Variants in LRGUK observed in about 807,000 individuals in gnomAD.
LRGUK encodes the protein leucine-rich repeat and guanylate kinase domain-containing protein.
In LRGUK, 65 loss-of-function variants were observed where a neutral mutation model predicts 76.0. The ratio of observed to expected loss-of-function variants is 0.85; its 90% CI spans 0.70 to 1.05. The LOEUF is 1.05. Among genes scored for constraint, LRGUK ranks in the 50% least tolerant of loss-of-function variants. The pLI is 0.00. For missense variants in LRGUK, 758 were observed against 732.8 expected (o/e 1.03, Z -0.40); for synonymous variants, 268 against 265.6 (o/e 1.01, Z -0.09).
chr7:134,168,618 G>A (rs1022799505), intron 7 of LRGUK, among the ~76,000 whole-genome samples: 3 of 152,150 alleles, frequency 2.0e-5, no homozygotes, highest in African/African-American at 7.2e-5. Flanking sequence ...GGTAGCAGTA[G>A]TAAGGAAGGG....
intron 18 of LRGUK, among the ~76,000 whole-genome samples, chr7:134,251,137 C>A (rs192111498): frequency 6.6e-6 from 1 of 152,036 alleles, no homozygotes. Flanking sequence ...GGAGTCCTGA[C>A]CCCCAGGATC....
At chr7:134,209,924 C>G in exon 16 of LRGUK, 1 of 399,148 alleles carries the variant, frequency 2.5e-6, no homozygotes, top group Non-Finnish European at 4.4e-6. Flanking sequence ...TGCTCCTCTT[C>G]CGGAGCCAGG....
At chr7:134,147,881 G>A (rs1260380717) in intron 4 of LRGUK, among the ~76,000 whole-genome samples, 1 of 151,946 alleles carries the variant, frequency 6.6e-6, no homozygotes, top group African/African-American at 2.4e-5. Flanking sequence ...CTAACACAGT[G>A]GAACCCCATC....
the LRGUK span, among the ~76,000 whole-genome samples, chr7:134,272,662 A>G: frequency 6.6e-6 from 1 of 152,230 alleles, no homozygotes; most frequent in Admixed American, 6.5e-5. Flanking sequence ...TGAGTTGAAT[A>G]ACATGACATC....
At chr7:134,218,521 G>A (rs1319112442) in intron 15 of LRGUK, among the ~76,000 whole-genome samples, 4 of 152,150 alleles carry the variant, frequency 2.6e-5, no homozygotes, top group African/African-American at 9.7e-5. Flanking sequence ...TTAAAATAGA[G>A]ATTTTTGTTT....
chr7:134,263,095 G>C (rs1802778021), intron 19 of LRGUK, among the ~76,000 whole-genome samples: 1 of 146,402 alleles, frequency 6.8e-6, no homozygotes, highest in Non-Finnish European at 1.5e-5. Flanking sequence ...TGTTCCCTTT[G>C]ACTTTTCATT....
chr7:134,149,113 A>T lies in LRGUK; in HGVS notation c.670+794A>T, dbSNP rs1015019136. Among the ~76,000 whole-genome samples the T allele has an allele frequency of 1.1e-4, 14 of 127,978 alleles. No homozygotes were observed. The East Asian group carries it at 1.2e-3, about 11-fold the overall frequency. The allele number at this position is 127,978 out of a possible 152,430, so 84.0% of individuals were successfully genotyped here. A position where few individuals can be genotyped will look rare whatever the true frequency, so the allele number is the denominator to read the frequency against. ...TTAAATATGCTTTCTTTTTTTAAAA[A>T]AAAAAAAAAACAACTTTTGATTTGA... On this transcript the variant is annotated intron_variant, in intron 5 of 15. Transcript: ENST00000645682.
At chr7:134,233,503 G>A (rs930383633) in intron 16 of LRGUK, among the ~76,000 whole-genome samples, 10 of 152,176 alleles carry the variant, frequency 6.6e-5, no homozygotes, top group African/African-American at 2.4e-4. Flanking sequence ...CTAACTGTAT[G>A]AAGGGGAAAT....
chr7:134,164,048 C>T (rs994078014), intron 7 of LRGUK, among the ~76,000 whole-genome samples: 4 of 151,958 alleles, frequency 2.6e-5, no homozygotes, highest in South Asian at 2.1e-4. Flanking sequence ...TGGCGATTAT[C>T]GTTAATAAAA....
intron 15 of LRGUK, among the ~76,000 whole-genome samples, chr7:134,220,849 T>A (rs1801573667): frequency 6.6e-6 from 1 of 152,094 alleles, no homozygotes; most frequent in African/African-American, 2.4e-5. Flanking sequence ...AGATTACAGA[T>A]GTGAGCCATT....
At chr7:134,236,421 C>CT (rs1419043649) in intron 16 of LRGUK, among the ~76,000 whole-genome samples, 19 of 152,234 alleles carry the variant, frequency 1.2e-4, no homozygotes, top group Admixed American at 9.8e-4. Context: ...CCAGCCTTTT[C>CT]TTTTCTTTAC....
the LRGUK span, among the ~76,000 whole-genome samples, chr7:134,270,984 T>C: frequency 6.6e-6 from 1 of 152,162 alleles, no homozygotes; most frequent in African/African-American, 2.4e-5. Context: ...ATTAATAGTC[T>C]TTTTATTGCT....
chr7:134,145,832 G>C (rs982561637), intron 4 of LRGUK, among the ~76,000 whole-genome samples: 7 of 152,182 alleles, frequency 4.6e-5, no homozygotes, highest in Admixed American at 3.9e-4. Flanking sequence ...TCCTAGAGCG[G>C]GGACTTGTAT....
At chr7:134,191,569 T>C in intron 11 of LRGUK, 86 bp from the exon 12 acceptor site, 1 of 938,918 alleles carries the variant, frequency 1.1e-6, no homozygotes, top group East Asian at 2.5e-5. Context: ...TTAACTTCAT[T>C]TTTTAAAACA....
intron 10 of LRGUK, among the ~76,000 whole-genome samples, chr7:134,182,055 C>G (rs1381169892): frequency 6.6e-6 from 1 of 152,164 alleles, no homozygotes; most frequent in African/African-American, 2.4e-5. Context: ...CTGTCTCTAT[C>G]TATAATGCTG....
chr7:134,145,779 A>G (rs1014735806), intron 4 of LRGUK, among the ~76,000 whole-genome samples: 6 of 152,206 alleles, frequency 3.9e-5, no homozygotes, highest in African/African-American at 1.2e-4. Context: ...TTTTCATTTA[A>G]TATCTATGAG....
At chr7:134,128,109 GAAAAA>G (rs11291605) in intron 1 of LRGUK, among the ~76,000 whole-genome samples, 1 of 136,058 alleles carries the variant, frequency 7.3e-6, no homozygotes, top group Non-Finnish European at 1.6e-5. Flanking sequence ...CTCCCTCCAG[GAAAAA>G]AAAAAAAAAA....
chr7:134,240,703 TG>T (rs891311798), intron 16 of LRGUK, among the ~76,000 whole-genome samples: 6 of 152,058 alleles, frequency 3.9e-5, no homozygotes, highest in Admixed American at 2.0e-4. Flanking sequence ...ATACAGAGAA[TG>T]CCACAAAGAT....
downstream of LRGUK, among the ~76,000 whole-genome samples, chr7:134,210,687 T>C (rs959637528): frequency 2.0e-5 from 3 of 151,580 alleles, no homozygotes; most frequent in Non-Finnish European, 4.4e-5. Flanking sequence ...AGGAGAGAGA[T>C]TGCTTCGCAA....
Sources: gnomAD v4.1 joint callset for allele counts (sites outside exome capture counted in the v4.1 genomes callset) on GRCh38, gnomAD v4.1.1 for gene constraint, MANE v1.5 for transcripts, NCBI Gene and HGNC (gene_info 2026-07-23, HGNC 2026-07-21) for gene names.